Variants in STX16 observed in about 807,000 individuals in gnomAD.
STX16 encodes the protein syntaxin 16.
STX16 carries 28 observed loss-of-function variants against 42.7 expected under a neutral mutation model. That is an observed-to-expected ratio of 0.66 (90% CI 0.49 to 0.90). The LOEUF (loss-of-function observed/expected upper bound fraction) is 0.90, where lower values mean the gene tolerates loss of function less well. Ranked by LOEUF, STX16 falls within the 40% of genes least tolerant of loss-of-function variation. The probability of loss-of-function intolerance (pLI) is 0.00; values close to 1 mark genes in which losing one functional copy is unlikely to be tolerated. For missense variants in STX16, 361 were observed against 420.9 expected, an observed-to-expected ratio of 0.86 and a Z score of 1.24; for synonymous variants, 156 against 155.2, an observed-to-expected ratio of 1.00 and a Z score of -0.04.
chr20:58,651,848 G>C lies in STX16; in HGVS notation c.-159G>C. 1.4e-6 allele frequency: 1 copy of C among 719,782 alleles called. No individual in the cohort carries two copies. The highest frequency in any genetic ancestry group is 2.3e-6 in the Non-Finnish European group (1 of 432,404). 44.6% of individuals were successfully genotyped at this position (719,782 alleles called of 1,614,324 possible). ...TTTGGGGAGGGGTCTCTACGCCTTGGCGAAGCGCACAGCTGCATCTTTTTG... is the reference window on the plus strand; with the variant it reads ...TTTGGGGAGGGGTCTCTACGCCTTGCCGAAGCGCACAGCTGCATCTTTTTG... On this transcript the variant is annotated 5_prime_UTR_variant, in exon 1 of 9. Coordinates refer to ENST00000371141, the MANE Select transcript of STX16 (RefSeq NM_001001433.3).
chr20:58,676,277 G>T lies in STX16; in HGVS notation c.964G>T (p.Val322Leu), dbSNP rs768167013. The T allele has an allele frequency of 1.2e-6, 2 of 1,613,922 alleles. No individual in the cohort carries two copies. Among genetic ancestry groups the T allele is most frequent in the African/African-American group, 2.7e-5 (2 of 74,926 alleles). Reference sequence around the variant, plus strand: ...TGTGCTCATTGTTGTCCTCGTTGGCGTGAAGTCTCGATAAGTGGCATTGGG... The same window carrying T: ...TGTGCTCATTGTTGTCCTCGTTGGCTTGAAGTCTCGATAAGTGGCATTGGG... ...IIVLIVVLVG[V>L]KSR Residue 322 changes from valine to leucine, a missense_variant, in exon 9 of 9, where the codon GTG becomes TTG. By Grantham distance (32) the Val-to-Leu change is conservative. Coordinates refer to ENST00000371141, the MANE Select transcript of STX16 (RefSeq NM_001001433.3).
intron 1 of STX16, among the ~76,000 whole-genome samples, chr20:58,656,817 G>A (rs1462013391): frequency 1.3e-5 from 2 of 152,258 alleles, no homozygotes; most frequent in East Asian, 3.8e-4. Flanking sequence ...TAAGATTTAT[G>A]GAGAGTTTAC....
chr20:58,654,026 C>T (rs1004027013), intron 1 of STX16, among the ~76,000 whole-genome samples: 7 of 151,976 alleles, frequency 4.6e-5, no homozygotes, highest in Admixed American at 2.0e-4. Context: ...GGATAGTTAA[C>T]GTATACAGTT....
chr20:58,656,364 A>G (rs953288673), intron 1 of STX16, among the ~76,000 whole-genome samples: 13 of 152,346 alleles, frequency 8.5e-5, no homozygotes, highest in African/African-American at 3.1e-4. Context: ...CTTTCACATT[A>G]TTATGCCAGC....
intron 2 of STX16, among the ~76,000 whole-genome samples, chr20:58,661,463 C>T (rs1036751546): frequency 1.2e-4 from 19 of 152,258 alleles, no homozygotes; most frequent in African/African-American, 4.1e-4. Context: ...ATCTCCTCCA[C>T]GCTCACCCCA....
At chr20:58,664,606 T>A (rs896642984) in intron 2 of STX16, among the ~76,000 whole-genome samples, 2 of 152,216 alleles carry the variant, frequency 1.3e-5, no homozygotes, top group Non-Finnish European at 2.9e-5. Context: ...TCCCCACTTT[T>A]GATTTACATC....
In STX16 at chr20:58,652,158, C is replaced by G. The variant is rs771513028; in HGVS notation, c.132+20C>G. ...GCTGCGGTGAGTCTCCTGGCGGCCT[C>G]TCCGACACACGGACCGTGTGCACTG... On this transcript the variant is annotated intron_variant, in intron 1 of 8. Transcript: ENST00000371141. The G allele has an allele frequency of 2.5e-6, 4 of 1,612,688 alleles. No homozygotes were observed. The highest frequency in any genetic ancestry group is 1.6e-4 in the Middle Eastern group (1 of 6,084).
At chr20:58,652,863 A>C (rs1600982995) in intron 1 of STX16, among the ~76,000 whole-genome samples, 1 of 149,058 alleles carries the variant, frequency 6.7e-6, no homozygotes. Context: ...GTAAAATAGC[A>C]CTTTTTTTTT....
At chr20:58,652,371 A>ACCCCCCCCCCCCCCCCCCCCCCCCCCCCC (rs11481928) in intron 1 of STX16, 3 of 426,400 alleles carry the variant, frequency 7.0e-6, no homozygotes, top group African/African-American at 5.4e-5. Flanking sequence ...CTTCCGCAGC[A>ACCCCCCCCCCCCCCCCCCCCCCCCCCCCC]CCCCCCCCCC....
chr20:58,675,207 G>A (rs1226540232), intron 8 of STX16, among the ~76,000 whole-genome samples: 1 of 152,158 alleles, frequency 6.6e-6, no homozygotes, highest in African/African-American at 2.4e-5. Flanking sequence ...GGTGGATGAG[G>A]GGCTCCTCCA....
Position 58,667,582 on chromosome 20 carries a change from G to A in STX16, c.237G>A (p.Val79=). 1 of 1,613,734 alleles carries A rather than the reference G, an allele frequency of 6.2e-7. No individual in the cohort carries two copies. Among genetic ancestry groups the A allele is most frequent in the Non-Finnish European group, 8.5e-7 (1 of 1,179,656 alleles). The change falls in exon 3 of 9, where the codon GTG becomes GTA. Residue 79 remains valine, a synonymous_variant. Coordinates refer to ENST00000371141, the MANE Select transcript of STX16 (RefSeq NM_001001433.3). ...CAAAACGGCCACCTCCTAAGTGGGTGGATGGAGTGGATGAAGTAAGTTCCA... is the reference window on the plus strand; with the variant it reads ...CAAAACGGCCACCTCCTAAGTGGGTAGATGGAGTGGATGAAGTAAGTTCCA... ...GVTKRPPPKW[V]DGVDEIQYDV...
chr20:58,668,268 T>A, intron 4 of STX16, 141 bp downstream of exon 4: 2 of 1,080,894 alleles, frequency 1.9e-6, no homozygotes, highest in Non-Finnish European at 2.6e-6. Context: ...GGCCCTGAAG[T>A]CCTCCAGCTG....
chr20:58,670,685 G>A, intron 6 of STX16, 82 bp downstream of exon 6: 1 of 1,161,886 alleles, frequency 8.6e-7, no homozygotes, highest in East Asian at 2.4e-5. Flanking sequence ...TCGATCTTCT[G>A]TGCAGTGTCA....
intron 2 of STX16, 32 bp from the exon 3 acceptor site, chr20:58,667,458 A>G (rs1473800697): frequency 6.4e-7 from 1 of 1,574,646 alleles, no homozygotes; most frequent in African/African-American, 1.3e-5. Context: ...GGATTAGAAT[A>G]ATTTTTTTCA....
rs544167209 is a variant in STX16, at chr20:58,651,714, T to C, written c.-293T>C. 7.3e-5 allele frequency: 23 copies of C among 312,974 alleles called. No individual in the cohort carries two copies. Among genetic ancestry groups the C allele is most frequent in the South Asian group, 6.9e-4 (19 of 27,636 alleles). The allele number at this position is 312,974 out of a possible 1,614,324, so 19.4% of individuals were successfully genotyped here. On this transcript the variant is annotated 5_prime_UTR_variant, in exon 1 of 9. Coordinates refer to ENST00000371141, the MANE Select transcript of STX16 (RefSeq NM_001001433.3). ...GATCCAAGGTTGGATTGGGGTGGGG[T>C]CTCTGGGACGTTGGATCGCTACGCA...
chr20:58,661,178 G>A (rs1004213966), intron 2 of STX16, among the ~76,000 whole-genome samples: 1 of 152,214 alleles, frequency 6.6e-6, no homozygotes, highest in Middle Eastern at 3.2e-3. Flanking sequence ...TATAGGATGC[G>A]AGGGAGGGTA....
intron 5 of STX16, among the ~76,000 whole-genome samples, 198 bp downstream of exon 5, chr20:58,669,651 G>C (rs762700934): frequency 6.6e-6 from 1 of 152,144 alleles, no homozygotes; most frequent in Non-Finnish European, 1.5e-5. Context: ...GTGGGGTACC[G>C]ACCAAGGCTG....
At chr20:58,656,133 A>G (rs1418377589) in intron 1 of STX16, among the ~76,000 whole-genome samples, 1 of 152,068 alleles carries the variant, frequency 6.6e-6, no homozygotes, top group Non-Finnish European at 1.5e-5. Flanking sequence ...CTTTTCGGAC[A>G]TTTTTTGCCT....
At position 58,667,573 on chromosome 20, in the gene STX16, T is replaced by C. The variant is rs1761903276; in HGVS notation, c.228T>C (p.Pro76=). The C allele has an allele frequency of 1.9e-6, 3 of 1,614,018 alleles. No homozygotes were observed. Among genetic ancestry groups the C allele is most frequent in the South Asian group, 1.1e-5 (1 of 91,086 alleles). ...AAIGVTKRPP[P]KWVDGVDEIQ... ...TTGGTGTGACAAAACGGCCACCTCCTAAGTGGGTGGATGGAGTGGATGAAG... is the reference window on the plus strand; with the variant it reads ...TTGGTGTGACAAAACGGCCACCTCCCAAGTGGGTGGATGGAGTGGATGAAG... The change falls in exon 3 of 9, where the codon CCT becomes CCC. Residue 76 remains proline, a synonymous_variant. Coordinates refer to ENST00000371141, the MANE Select transcript of STX16 (RefSeq NM_001001433.3).
Sources: gnomAD v4.1 joint callset for allele counts (sites outside exome capture counted in the v4.1 genomes callset) on GRCh38, gnomAD v4.1.1 for gene constraint, MANE v1.5 for transcripts, NCBI Gene and HGNC (gene_info 2026-07-23, HGNC 2026-07-21) for gene names.